Variants in DLG2 observed in about 807,000 individuals in gnomAD.
The protein encoded by DLG2 is disks large homolog 2.
DLG2 carries 45 observed loss-of-function variants against 132.5 expected under a neutral mutation model. The ratio of observed to expected loss-of-function variants is 0.34; its 90% CI spans 0.27 to 0.44. The LOEUF (loss-of-function observed/expected upper bound fraction) is 0.44, where lower values mean the gene tolerates loss of function less well. Ranked by LOEUF, DLG2 falls within the 20% of genes least tolerant of loss-of-function variation. DLG2 has a pLI of 1.00. For synonymous variants in DLG2, 424 were observed against 419.6 expected, an observed-to-expected ratio of 1.01 and a Z score of -0.13; for missense variants, 1,045 against 1,196.9, an observed-to-expected ratio of 0.87 and a Z score of 1.87.
At chr11:85,061,899 C>G (rs1439524915) in intron 6 of DLG2, among the ~76,000 whole-genome samples, 1 of 151,852 alleles carries the variant, frequency 6.6e-6, no homozygotes, top group Non-Finnish European at 1.5e-5. Context: ...TTCAGGCAAG[C>G]ACTCCAATTC....
chr11:84,955,812 T>C (rs2051581822), intron 6 of DLG2: 1 of 152,264 alleles, frequency 6.6e-6, no homozygotes, highest in Non-Finnish European at 1.5e-5. Flanking sequence ...CCAAATATTC[T>C]TAAAATACTG....
At chr11:83,619,106 C>A (rs1412995289) in intron 19 of DLG2, among the ~76,000 whole-genome samples, 14 of 152,162 alleles carry the variant, frequency 9.2e-5, no homozygotes, top group Admixed American at 9.2e-4. Flanking sequence ...ATCCTGCAAT[C>A]GTCTTATCCT....
chr11:84,719,754 G>A (rs1202318084), intron 6 of DLG2, among the ~76,000 whole-genome samples: 2 of 152,186 alleles, frequency 1.3e-5, no homozygotes, highest in Non-Finnish European at 2.9e-5. Flanking sequence ...TTGATTTCAA[G>A]TGGATTGTAT....
chr11:84,446,868 C>T (rs772828951), intron 7 of DLG2, among the ~76,000 whole-genome samples: 1 of 152,084 alleles, frequency 6.6e-6, no homozygotes, highest in Non-Finnish European at 1.5e-5. Flanking sequence ...TCCCATACAC[C>T]CCTGGGATAC....
chr11:83,467,771 G>GTATATATATATATATATATATA (rs1192401405), intron 25 of DLG2, among the ~76,000 whole-genome samples: 2 of 85,058 alleles, frequency 2.4e-5, no homozygotes, highest in Non-Finnish European at 4.5e-5. Context: ...AAAACTATAT[G>GTATATATATATATATATATATA]TATATATATA....
At chr11:85,459,605 G>T (rs971606102) in intron 3 of DLG2, among the ~76,000 whole-genome samples, 4 of 152,120 alleles carry the variant, frequency 2.6e-5, no homozygotes, top group African/African-American at 9.7e-5. Context: ...AGAGTAAGGG[G>T]TGGGAGCTCC....
chr11:85,449,734 G>A (rs2092158364), intron 3 of DLG2, among the ~76,000 whole-genome samples: 1 of 150,858 alleles, frequency 6.6e-6, no homozygotes, highest in South Asian at 2.1e-4. Context: ...AGTGAAAGAT[G>A]ATATGCATTT....
intron 21 of DLG2, among the ~76,000 whole-genome samples, chr11:83,515,471 C>A (rs2095259253): frequency 6.6e-6 from 1 of 152,150 alleles, no homozygotes; most frequent in Non-Finnish European, 1.5e-5. Flanking sequence ...TTTCAAAAAA[C>A]AAGCTCCTGG....
At position 85,306,950 on chromosome 11, in the gene DLG2, T is replaced by C. The variant is rs1299728904; in HGVS notation, c.41-21585A>G. ...TTCTATTAGTAAAGCAATGTTATGC[T>C]AATGAAAGTTGTGAATTTGGGAACT... On this transcript the variant is annotated intron_variant, in intron 3 of 27. Transcript: ENST00000376104. Among the ~76,000 whole-genome samples the C allele has an allele frequency of 2.0e-5, 3 of 152,216 alleles. No individual in the cohort carries two copies. The East Asian group carries it at 5.8e-4, about 29-fold the overall frequency.
At chr11:84,612,866 A>T (rs1157545881) in intron 6 of DLG2, among the ~76,000 whole-genome samples, 1 of 152,110 alleles carries the variant, frequency 6.6e-6, no homozygotes, top group Non-Finnish European at 1.5e-5. Flanking sequence ...AATACACCAG[A>T]GCTAGTAAGT....
intron 6 of DLG2, among the ~76,000 whole-genome samples, chr11:84,594,396 T>C (rs7105003): frequency 0.12 from 18,950 of 152,182 alleles, 1,208 homozygotes; most frequent in South Asian, 0.21. Flanking sequence ...GTCTAGACAA[T>C]AGAGGTGACT....
chr11:84,679,889 A>G (rs1288757778), intron 6 of DLG2, among the ~76,000 whole-genome samples: 1 of 152,128 alleles, frequency 6.6e-6, no homozygotes. Context: ...TTCATGTAAC[A>G]GTATTTAATA....
At chr11:84,806,609 G>A (rs2076030223) in intron 6 of DLG2, among the ~76,000 whole-genome samples, 1 of 152,058 alleles carries the variant, frequency 6.6e-6, no homozygotes, top group Admixed American at 6.6e-5. Context: ...GAATTAAAAG[G>A]AATTTAAGAC....
chr11:84,477,213 G>C (rs941377757), intron 7 of DLG2, among the ~76,000 whole-genome samples: 1 of 151,952 alleles, frequency 6.6e-6, no homozygotes, highest in Non-Finnish European at 1.5e-5. Context: ...GGCAACTTTG[G>C]GCTGGAGGGA....
At chr11:85,148,789 A>T (rs1197521908) in intron 5 of DLG2, among the ~76,000 whole-genome samples, 1 of 152,042 alleles carries the variant, frequency 6.6e-6, no homozygotes, top group Non-Finnish European at 1.5e-5. Context: ...TTTTGTTGCT[A>T]TTGCTTTTGG....
chr11:85,342,225 A>C (rs1297128451), intron 3 of DLG2, among the ~76,000 whole-genome samples: 1 of 152,176 alleles, frequency 6.6e-6, no homozygotes, highest in East Asian at 1.9e-4. Context: ...AATAACACTT[A>C]GCTTAAAATG....
intron 2 of DLG2, among the ~76,000 whole-genome samples, chr11:85,603,550 A>G (rs1207031321): frequency 1.3e-5 from 2 of 151,368 alleles, no homozygotes; most frequent in African/African-American, 4.9e-5. Flanking sequence ...TAATACAATT[A>G]TAACTAAAGC....
intron 6 of DLG2, among the ~76,000 whole-genome samples, chr11:84,761,365 G>T (rs2067607076): frequency 6.6e-6 from 1 of 152,152 alleles, no homozygotes; most frequent in South Asian, 2.1e-4. Context: ...CTCTGAAAGG[G>T]CAGACAGCCT....
chr11:84,789,642 C>A (rs1172534057), intron 6 of DLG2, among the ~76,000 whole-genome samples: 1 of 151,884 alleles, frequency 6.6e-6, no homozygotes, highest in African/African-American at 2.4e-5. Flanking sequence ...CTATCAAATA[C>A]CATCTTTTAT....
Sources: allele counts gnomAD v4.1 joint callset (sites outside exome capture counted in the v4.1 genomes callset), GRCh38; gene constraint gnomAD v4.1.1; transcripts MANE v1.5; gene names NCBI Gene and HGNC (gene_info 2026-07-23, HGNC 2026-07-21).